The following GABRG3 variants were observed in gnomAD, a reference collection of about 807,000 sequenced individuals.
GABRG3 encodes the protein gamma-aminobutyric acid receptor subunit gamma-3.
Under a neutral mutation model 48.8 loss-of-function variants are expected in GABRG3, and 25 were observed. The observed-to-expected ratio is 0.51, with a 90% CI of 0.37 to 0.72. GABRG3 has a LOEUF of 0.72. GABRG3 is among the 30% of genes least tolerant of loss of function. The probability of loss-of-function intolerance (pLI) is 0.00; values close to 1 mark genes in which losing one functional copy is unlikely to be tolerated. For synonymous variants in GABRG3, 227 were observed against 217.6 expected (o/e 1.04, Z -0.38); for missense variants, 394 against 577.9 (o/e 0.68, Z 3.26).
chr15:27,452,531 T>C (rs1889141749), intron 5 of GABRG3, among the ~76,000 whole-genome samples: 2 of 152,154 alleles, frequency 1.3e-5, no homozygotes, highest in Non-Finnish European at 1.5e-5. Context: ...TTAACACACA[T>C]TTCATTTGTT....
chr15:27,266,641 T>C (rs1206485496), intron 3 of GABRG3, among the ~76,000 whole-genome samples: 2 of 152,226 alleles, frequency 1.3e-5, no homozygotes, highest in African/African-American at 4.8e-5. Context: ...CTCTCAATAT[T>C]GAGTCTTCTG....
chr15:27,436,293 G>C (rs112083593), intron 5 of GABRG3, among the ~76,000 whole-genome samples: 3 of 151,766 alleles, frequency 2.0e-5, no homozygotes, highest in Admixed American at 2.0e-4. Context: ...AATCCCACTT[G>C]TGGGGGGAAG....
At chr15:27,054,635 A>T (rs1379543270) in intron 3 of GABRG3, among the ~76,000 whole-genome samples, 3 of 152,186 alleles carry the variant, frequency 2.0e-5, no homozygotes, top group East Asian at 1.9e-4. Context: ...AAAACTGGCC[A>T]GGACAACGCA....
chr15:27,193,026 C>A (rs1454115914), intron 3 of GABRG3, among the ~76,000 whole-genome samples: 1 of 152,220 alleles, frequency 6.6e-6, no homozygotes, highest in South Asian at 2.1e-4. Context: ...GTCTGCAGAA[C>A]AGTGGTTTTT....
intron 6 of GABRG3, among the ~76,000 whole-genome samples, chr15:27,489,041 C>A (rs535743994): frequency 6.6e-6 from 1 of 151,934 alleles, no homozygotes; most frequent in East Asian, 1.9e-4. Context: ...CCCCCACCCC[C>A]CGACAGGCTC....
intron 6 of GABRG3, among the ~76,000 whole-genome samples, chr15:27,512,321 A>C (rs1890916046): frequency 6.6e-6 from 1 of 152,130 alleles, no homozygotes; most frequent in African/African-American, 2.4e-5. Flanking sequence ...TGTTTAATGC[A>C]TTTTTATGGA....
intron 5 of GABRG3, among the ~76,000 whole-genome samples, chr15:27,403,980 G>C (rs927755300): frequency 1.3e-5 from 2 of 151,088 alleles, no homozygotes; most frequent in Admixed American, 6.6e-5. Context: ...CCAGCACTTT[G>C]GGAGGCCGAG....
chr15:27,434,070 A>G (rs1000822024), intron 5 of GABRG3, among the ~76,000 whole-genome samples: 1 of 152,198 alleles, frequency 6.6e-6, no homozygotes, highest in Non-Finnish European at 1.5e-5. Flanking sequence ...CTGACCCAGG[A>G]AATACATTTT....
chr15:27,132,636 TA>T (rs1897940086), intron 3 of GABRG3, among the ~76,000 whole-genome samples: 1 of 151,466 alleles, frequency 6.6e-6, no homozygotes. Context: ...TTTATTTCAT[TA>T]AAATTGGTTG....
chr15:27,206,301 C>T (rs777295094), intron 3 of GABRG3, among the ~76,000 whole-genome samples: 1 of 152,084 alleles, frequency 6.6e-6, no homozygotes, highest in Non-Finnish European at 1.5e-5. Context: ...GTCTTAATTT[C>T]CTTCTTTACC....
At chr15:27,360,522 T>C (rs1216700016) in intron 5 of GABRG3, among the ~76,000 whole-genome samples, 1 of 152,146 alleles carries the variant, frequency 6.6e-6, no homozygotes, top group South Asian at 2.1e-4. Flanking sequence ...GAATCACCAG[T>C]GGAGAATAAT....
chr15:27,262,744 G>T (rs1008576540), intron 3 of GABRG3, among the ~76,000 whole-genome samples: 2 of 152,164 alleles, frequency 1.3e-5, no homozygotes, highest in Non-Finnish European at 2.9e-5. Context: ...TTGAGAAAAT[G>T]GAGTCCACGT....
chr15:27,416,053 A>G (rs568154206), intron 5 of GABRG3, among the ~76,000 whole-genome samples: 2 of 152,350 alleles, frequency 1.3e-5, no homozygotes, highest in East Asian at 1.9e-4. Context: ...AGGCACAGGC[A>G]TGTGTCTCAG....
At chr15:27,175,027 C>G (rs147657193) in intron 3 of GABRG3, among the ~76,000 whole-genome samples, 141 of 152,284 alleles carry the variant, frequency 9.3e-4, no homozygotes, top group Middle Eastern at 6.8e-3. Flanking sequence ...CAATCAGGAC[C>G]AAGATTGGCC....
chr15:27,489,420 T>C (rs1482546746), intron 6 of GABRG3, among the ~76,000 whole-genome samples: 1 of 152,172 alleles, frequency 6.6e-6, no homozygotes, highest in Non-Finnish European at 1.5e-5. Flanking sequence ...GATCAAATGG[T>C]ATTTCTGGTT....
rs1555406006 is a variant in GABRG3, at chr15:27,145,614, T to TATCTATCTATCTATCTATCTATC, written c.270+118794_270+118816dup. Among the ~76,000 whole-genome samples the TATCTATCTATCTATCTATCTATC allele has an allele frequency of 1.8e-3, 252 of 143,592 alleles. 4 individuals carry two copies. Among genetic ancestry groups the TATCTATCTATCTATCTATCTATC allele is most frequent in the Middle Eastern group, 0.01 (3 of 286 alleles). The allele number at this position is 143,592 out of a possible 152,430, so 94.2% of individuals were successfully genotyped here. Reference sequence around the variant, plus strand: ...ATACATATATCTATCTCTATCTATCTATCTATCTATCTATCTATCTATCTA... The same window carrying TATCTATCTATCTATCTATCTATC: ...ATACATATATCTATCTCTATCTATCTATCTATCTATCTATCTATCTATCATCTATCTATCTATCTATCTATCTA... On this transcript the variant is annotated intron_variant, in intron 3 of 9. Transcript: ENST00000615808.
chr15:27,009,081 G>A (rs2140664866), intron 2 of GABRG3, among the ~76,000 whole-genome samples: 1 of 152,242 alleles, frequency 6.6e-6, no homozygotes, highest in East Asian at 1.9e-4. Flanking sequence ...TCTGCTCACG[G>A]TGCCGTCTGG....
chr15:27,067,742 A>G (rs995359876), intron 3 of GABRG3, among the ~76,000 whole-genome samples: 1 of 152,174 alleles, frequency 6.6e-6, no homozygotes, highest in Admixed American at 6.5e-5. Context: ...TCTGCCTTCC[A>G]AGCCTGGCTG....
intron 3 of GABRG3, among the ~76,000 whole-genome samples, chr15:27,054,493 A>G (rs1896508282): frequency 6.6e-6 from 1 of 152,250 alleles, no homozygotes; most frequent in South Asian, 2.1e-4. Context: ...AATTTCCTCC[A>G]AAACAGGTTC....
Sources: allele counts gnomAD v4.1 joint callset (sites outside exome capture counted in the v4.1 genomes callset), GRCh38; gene constraint gnomAD v4.1.1; transcripts MANE v1.5; gene names NCBI Gene and HGNC (gene_info 2026-07-23, HGNC 2026-07-21).